Variants in PRKCB observed in about 807,000 individuals in gnomAD.
PRKCB encodes protein kinase C beta type.
In PRKCB, 13 loss-of-function variants were observed where a neutral mutation model predicts 81.5. The ratio of observed to expected loss-of-function variants is 0.16; its 90% CI spans 0.10 to 0.25. The LOEUF (loss-of-function observed/expected upper bound fraction) is 0.25. Among genes scored for constraint, PRKCB ranks in the 10% least tolerant of loss-of-function variants. PRKCB has a pLI of 1.00. For synonymous variants in PRKCB, 335 were observed against 321.4 expected, an observed-to-expected ratio of 1.04 and a Z score of -0.45; for missense variants, 509 against 875.7, an observed-to-expected ratio of 0.58 and a Z score of 5.29.
At chr16:24,096,658 AAAAAAAAAATATATATATATAT>A (rs1966443456) in intron 7 of PRKCB, among the ~76,000 whole-genome samples, 2 of 39,202 alleles carry the variant, frequency 5.1e-5, no homozygotes, top group African/African-American at 1.7e-4. Flanking sequence ...ATGGCAAAAA[AAAAAAAAAATATATATATATAT>A]ATATATATAT....
At chr16:24,182,719 G>C (rs1300356109) in intron 13 of PRKCB, among the ~76,000 whole-genome samples, 1 of 152,128 alleles carries the variant, frequency 6.6e-6, no homozygotes, top group African/African-American at 2.4e-5. Context: ...CCATCTGTGG[G>C]CTGGAGGGGA....
chr16:24,092,305 A>T (rs533329005), intron 5 of PRKCB, among the ~76,000 whole-genome samples: 2 of 152,242 alleles, frequency 1.3e-5, no homozygotes, highest in African/African-American at 4.8e-5. Context: ...GGGTACACAA[A>T]TGTTCATAGC....
At chr16:23,982,055 C>A (rs1964731913) in intron 2 of PRKCB, among the ~76,000 whole-genome samples, 1 of 118,478 alleles carries the variant, frequency 8.4e-6, no homozygotes, top group African/African-American at 3.5e-5. Context: ...CCTTCCCTTT[C>A]CCTTCCCCTT....
rs925633305 is a variant in PRKCB at position 24,172,446 on chromosome 16, G to T, written c.1331+85G>T. The T allele has an allele frequency of 4.2e-6, 5 of 1,184,884 alleles. No individual in the cohort carries two copies. In the South Asian group the frequency reaches 5.2e-5, roughly 12 times the overall value. 73.4% of individuals were successfully genotyped at this position (1,184,884 alleles called of 1,614,324 possible). ...TTTGAGGGTGTTTTTTTGCCAAAGA[G>T]GGATCTTTAAACACCTCGGGCATCT... On this transcript the variant is annotated intron_variant, in intron 11 of 16. Transcript: ENST00000643927.
chr16:24,021,087 CTTTT>C (rs1216692460), intron 3 of PRKCB, among the ~76,000 whole-genome samples: 163 of 119,836 alleles, frequency 1.4e-3, no homozygotes, highest in African/African-American at 1.7e-3. Flanking sequence ...TTCTTTCTTT[CTTTT>C]TTTCTTTCTT....
At chr16:24,125,276 T>A (rs1399076913) in intron 9 of PRKCB, among the ~76,000 whole-genome samples, 2 of 152,196 alleles carry the variant, frequency 1.3e-5, no homozygotes, top group Non-Finnish European at 2.9e-5. Flanking sequence ...TAGAAGCAAT[T>A]CTATGTTACA....
At chr16:23,960,060 T>C (rs1316668828) in intron 2 of PRKCB, among the ~76,000 whole-genome samples, 2 of 152,182 alleles carry the variant, frequency 1.3e-5, no homozygotes, top group East Asian at 3.9e-4. Flanking sequence ...TGTCAGGCTG[T>C]GGAAGCACAG....
At chr16:24,168,521 T>C (rs1299364897) in intron 10 of PRKCB, among the ~76,000 whole-genome samples, 1 of 150,080 alleles carries the variant, frequency 6.7e-6, no homozygotes, top group East Asian at 1.9e-4. Flanking sequence ...ATCATTTCAT[T>C]ATTTTTCTTT....
chr16:24,126,469 A>C (rs866643127), intron 9 of PRKCB, among the ~76,000 whole-genome samples: 10 of 152,078 alleles, frequency 6.6e-5, no homozygotes, highest in African/African-American at 2.4e-4. Context: ...GGTTCACTGC[A>C]GCCTCGACAT....
At chr16:23,957,860 G>T (rs1964370583) in intron 2 of PRKCB, among the ~76,000 whole-genome samples, 1 of 152,058 alleles carries the variant, frequency 6.6e-6, no homozygotes, top group African/African-American at 2.4e-5. Flanking sequence ...CCAGCCCTCT[G>T]ACTTCCTAGC....
chr16:24,116,373 A>C (rs1021108728), intron 8 of PRKCB, among the ~76,000 whole-genome samples: 4 of 152,114 alleles, frequency 2.6e-5, no homozygotes, highest in Non-Finnish European at 4.4e-5. Context: ...CCTCAGCAAC[A>C]TAGCGACCCT....
chr16:23,970,168 G>A (rs1425541423), intron 2 of PRKCB, among the ~76,000 whole-genome samples: 1 of 152,224 alleles, frequency 6.6e-6, no homozygotes, highest in African/African-American at 2.4e-5. Flanking sequence ...AGAGACTGCA[G>A]GCAGCTTGTG....
At chr16:23,871,858 GTTTTTTT>G (rs61498403) in intron 2 of PRKCB, among the ~76,000 whole-genome samples, 94,185 of 146,890 alleles carry the variant, frequency 0.64, 30,420 homozygotes, top group African/African-American at 0.71. Context: ...AGTTATACAG[GTTTTTTT>G]TTTTTTTTTT....
chr16:24,125,213 A>G lies in PRKCB; in HGVS notation c.1065+1232A>G, dbSNP rs1358504689. Among the ~76,000 whole-genome samples, 4 of 152,346 alleles carry G rather than the reference A, an allele frequency of 2.6e-5. No homozygotes were observed. In the East Asian group the frequency reaches 5.8e-4, roughly 22 times the overall value. On this transcript the variant is annotated intron_variant, in intron 9 of 16. Coordinates refer to ENST00000643927, the MANE Select transcript of PRKCB (RefSeq NM_002738.7). Reference sequence around the variant, plus strand: ...GCCGTAATAATTTTTTAAAGCTTACATTAGGTCAAGGGGCTCCCCTGCTTA... The same window carrying G: ...GCCGTAATAATTTTTTAAAGCTTACGTTAGGTCAAGGGGCTCCCCTGCTTA...
chr16:24,002,586 G>A (rs1344818256), intron 3 of PRKCB, among the ~76,000 whole-genome samples: 1 of 152,066 alleles, frequency 6.6e-6, no homozygotes, highest in Non-Finnish European at 1.5e-5. Flanking sequence ...CGTTCTGCCT[G>A]CCTCAGCCTC....
intron 2 of PRKCB, among the ~76,000 whole-genome samples, chr16:23,919,379 C>G (rs1229638173): frequency 1.5e-5 from 1 of 66,302 alleles, no homozygotes; most frequent in Non-Finnish European, 2.8e-5. Context: ...GAGTCATGGA[C>G]GAATTTGCAA....
intron 2 of PRKCB, among the ~76,000 whole-genome samples, chr16:23,858,956 C>T (rs73537055): frequency 0.026 from 4,028 of 152,098 alleles, 171 homozygotes; most frequent in African/African-American, 0.093. Context: ...TAGTGAAACC[C>T]CATCTCTGCA....
chr16:23,950,132 A>AGGTTTTT (rs55986931), intron 2 of PRKCB, among the ~76,000 whole-genome samples: 5 of 97,760 alleles, frequency 5.1e-5, no homozygotes, highest in Non-Finnish European at 9.8e-5. Context: ...TATGATTTGA[A>AGGTTTTT]TTTTTTTTTT....
chr16:23,882,920 T>C (rs1051912168), intron 2 of PRKCB, among the ~76,000 whole-genome samples: 4 of 152,072 alleles, frequency 2.6e-5, no homozygotes, highest in Non-Finnish European at 4.4e-5. Flanking sequence ...TGGATATAGA[T>C]CCTGAAGTGG....
Sources: allele counts gnomAD v4.1 joint callset (sites outside exome capture counted in the v4.1 genomes callset), GRCh38; gene constraint gnomAD v4.1.1; transcripts MANE v1.5; gene names NCBI Gene and HGNC (gene_info 2026-07-23, HGNC 2026-07-21).